FGD6: variants seen among roughly 807,000 people sequenced by gnomAD.
FGD6 encodes the protein FYVE, RhoGEF and PH domain containing 6.
FGD6 carries 90 observed loss-of-function variants against 149.4 expected under a neutral mutation model. The ratio of observed to expected loss-of-function variants is 0.60; its 90% confidence interval spans 0.51 to 0.72. The LOEUF is 0.72. Among genes scored for constraint, FGD6 ranks in the 30% least tolerant of loss-of-function variants. The pLI, the probability that FGD6 is intolerant of heterozygous loss-of-function variation, is 0.00. For synonymous variants in FGD6, 527 were observed against 584.0 expected, an observed-to-expected ratio of 0.90 and a Z score of 1.41; for missense variants, 1,437 against 1,684.8, an observed-to-expected ratio of 0.85 and a Z score of 2.57.
intron 8 of FGD6, among the ~76,000 whole-genome samples, chr12:95,117,769 C>A (rs1050872321): frequency 6.6e-6 from 1 of 151,904 alleles, no homozygotes. Flanking sequence ...GGCCACCGGG[C>A]GCAGTGGCTC....
intron 5 of FGD6, among the ~76,000 whole-genome samples, chr12:95,145,716 C>T (rs1298817555): frequency 1.3e-5 from 2 of 152,086 alleles, no homozygotes; most frequent in African/African-American, 4.8e-5. Flanking sequence ...TTTGCTCTGT[C>T]GTCCAGGCTG....
chr12:95,117,024 A>G (rs2136246309), intron 8 of FGD6: 1 of 413,694 alleles, frequency 2.4e-6, no homozygotes, highest in South Asian at 1.8e-5. Context: ...ACACGCCTAT[A>G]TTGGTCATAG....
At position 95,078,879 on chromosome 12, in the gene FGD6, C is replaced by T. The variant is rs1877578527; in HGVS notation, c.*2641G>A. On this transcript the variant is annotated 3_prime_UTR_variant, in exon 21 of 21. Coordinates refer to ENST00000343958, the MANE Select transcript of FGD6 (RefSeq NM_018351.4). ...TAGCTTTATAAATGCCCTACTCTTT[C>T]CTCCTTATGAATTAAAAGGAGATAC... 1 of 152,070 alleles carries T rather than the reference C, an allele frequency of 6.6e-6. No individual in the cohort carries two copies. Among genetic ancestry groups the T allele is most frequent in the East Asian group, 1.9e-4 (1 of 5,184 alleles). The allele number at this position is 152,070 out of a possible 1,614,324, so 9.4% of individuals were successfully genotyped here.
intron 2 of FGD6, among the ~76,000 whole-genome samples, chr12:95,179,169 C>T (rs777452317): frequency 1.3e-5 from 2 of 152,032 alleles, no homozygotes; most frequent in Non-Finnish European, 2.9e-5. Flanking sequence ...CAAGTAATTA[C>T]GAGGATTCTT....
In FGD6 at chr12:95,191,957, C is replaced by T. The variant is rs553339856; in HGVS notation, c.2441+16886G>A. On this transcript the variant is annotated intron_variant, in intron 2 of 20. Transcript: ENST00000343958. ...TTCACCATATTGGCCAGGCTGGTCT[C>T]GAACTCCTGACCTCAGGTGATCCAC... 2.6e-5 allele frequency among the ~76,000 whole-genome samples: 4 copies of T among 152,158 alleles called. No homozygotes were observed. The South Asian group carries it at 8.3e-4, about 32-fold the overall frequency.
chr12:95,086,844 CTTTTTTTTTTT>C (rs35618842), intron 18 of FGD6, among the ~76,000 whole-genome samples: 1 of 92,890 alleles, frequency 1.1e-5, no homozygotes, highest in Non-Finnish European at 2.1e-5. Flanking sequence ...CCACACCGGC[CTTTTTTTTTTT>C]TTTTTTTTTT....
At position 95,172,583 on chromosome 12, in the gene FGD6, T is replaced by TA. The variant is rs749201143; in HGVS notation, c.2586+16dup. ...GCATAGGGAGAGGTCAAGAAGCAAT[T>TA]AAGTACCAAAGTATACCTGTTTATC... On this transcript the variant is annotated intron_variant, in intron 3 of 20. Coordinates refer to ENST00000343958, the MANE Select transcript of FGD6 (RefSeq NM_018351.4). 6.4e-7 allele frequency: 1 copy of TA among 1,557,844 alleles called. No individual in the cohort carries two copies. The highest frequency in any genetic ancestry group is 8.7e-7 in the Non-Finnish European group (1 of 1,145,120).
chr12:95,141,277 A>C, intron 6 of FGD6, 111 bp downstream of exon 6: 4 of 1,132,656 alleles, frequency 3.5e-6, no homozygotes. Context: ...CAAAGACAAT[A>C]TATTCAAACA....
intron 5 of FGD6, among the ~76,000 whole-genome samples, chr12:95,142,135 C>T (rs6538606): frequency 0.88 from 131,678 of 149,220 alleles, 58,453 homozygotes; most frequent in East Asian, 0.97. Context: ...GCCAGGCTCA[C>T]TTTTGTATTT....
intron 20 of FGD6, 74 bp from the exon 21 acceptor site, chr12:95,081,630 T>C: frequency 2.1e-6 from 2 of 935,060 alleles, no homozygotes; most frequent in Non-Finnish European, 3.2e-6. Flanking sequence ...AGATGACAGC[T>C]GGGCCTGTGG....
chr12:95,210,553 T>C lies in FGD6; in HGVS notation c.731A>G (p.Gln244Arg), dbSNP rs768193019. 31 of 1,614,040 alleles carry C rather than the reference T, an allele frequency of 1.9e-5. No homozygotes were observed. The Admixed American group carries it at 3.5e-4, about 18-fold the overall frequency. ...ATGTTCACATTCATCACTAGGAAGC[T>C]GTAAGTGGCAACTGTGATGATCAGG... ...KVPDHHSCHL[Q>R]LPSDECEHFE... The change falls in exon 2 of 21, where the codon CAG becomes CGG. Residue 244 changes from glutamine (Q) to arginine (R), a missense_variant. Coordinates refer to ENST00000343958, the MANE Select transcript of FGD6 (RefSeq NM_018351.4).
At chr12:95,204,142 C>G (rs2136300602) in intron 2 of FGD6, among the ~76,000 whole-genome samples, 1 of 152,290 alleles carries the variant, frequency 6.6e-6, no homozygotes, top group Admixed American at 6.5e-5. Flanking sequence ...CTCACAGTTG[C>G]ACTACCAACA....
intron 2 of FGD6, among the ~76,000 whole-genome samples, chr12:95,200,166 A>G (rs1353049072): frequency 6.7e-6 from 1 of 149,334 alleles, no homozygotes; most frequent in African/African-American, 2.5e-5. Flanking sequence ...GTCAACTGTT[A>G]TAAATGTTAT....
rs776648260 is a variant in FGD6 at position 95,078,249 on chromosome 12, T to C, written c.*3271A>G. ...AAGTACAGTATCTGCCTTCAAGGAG[T>C]GTGTGGTACACTAAGAAAAACAATA... On this transcript the variant is annotated 3_prime_UTR_variant, in exon 21 of 21. Transcript: ENST00000343958. 6.6e-6 allele frequency: 1 copy of C among 152,152 alleles called. No individual in the cohort carries two copies. Among genetic ancestry groups the C allele is most frequent in the Non-Finnish European group, 1.5e-5 (1 of 68,028 alleles). 9.4% of individuals were successfully genotyped at this position (152,152 alleles called of 1,614,324 possible). A position where few individuals can be genotyped will look rare whatever the true frequency, so the allele number is the denominator to read the frequency against.
At chr12:95,165,896 C>G (rs1186802928) in intron 3 of FGD6, among the ~76,000 whole-genome samples, 1 of 151,826 alleles carries the variant, frequency 6.6e-6, no homozygotes, top group Non-Finnish European at 1.5e-5. Context: ...ATCTGTCCAC[C>G]TCAGCCTCCC....
At chr12:95,134,316 A>G (rs959778117) in intron 8 of FGD6, among the ~76,000 whole-genome samples, 1 of 152,072 alleles carries the variant, frequency 6.6e-6, no homozygotes, top group South Asian at 2.1e-4. Context: ...ACCTTATAAC[A>G]ACCTTCTGAG....
chr12:95,136,909 C>T (rs1879681847), intron 7 of FGD6, among the ~76,000 whole-genome samples: 1 of 152,170 alleles, frequency 6.6e-6, no homozygotes, highest in Admixed American at 6.5e-5. Flanking sequence ...CATTACTGAA[C>T]TATAAACTTG....
chr12:95,214,317 T>C (rs1046945178), intron 1 of FGD6, among the ~76,000 whole-genome samples: 1 of 152,212 alleles, frequency 6.6e-6, no homozygotes, highest in African/African-American at 2.4e-5. Context: ...GAATAATATT[T>C]TGAAAAGTTA....
At chr12:95,081,819 T>A (rs542756908) in intron 20 of FGD6, among the ~76,000 whole-genome samples, 7 of 152,056 alleles carry the variant, frequency 4.6e-5, no homozygotes, top group Admixed American at 4.6e-4. Context: ...ATTACAGGCA[T>A]GTGCCACCAC....
Sources: allele counts gnomAD v4.1 joint callset (sites outside exome capture counted in the v4.1 genomes callset), GRCh38; gene constraint gnomAD v4.1.1; transcripts MANE v1.5; gene names NCBI Gene and HGNC (gene_info 2026-07-23, HGNC 2026-07-21).